PHF20: variants seen among roughly 807,000 people sequenced by gnomAD.
PHF20 encodes glioma-expressed antigen 2.
PHF20 carries 23 observed loss-of-function variants against 113.5 expected under a neutral mutation model. That is an observed-to-expected ratio of 0.20 (90% CI 0.15 to 0.29). The LOEUF (loss-of-function observed/expected upper bound fraction) is 0.29, where lower values mean the gene tolerates loss of function less well. Among genes scored for constraint, PHF20 ranks in the 10% least tolerant of loss-of-function variants. PHF20 has a pLI of 1.00. For missense variants in PHF20, 943 were observed against 1,219.6 expected, an observed-to-expected ratio of 0.77 and a Z score of 3.38; for synonymous variants, 434 against 457.3, an observed-to-expected ratio of 0.95 and a Z score of 0.65.
chr20:35,790,879 G>T (rs995215723), intron 1 of PHF20, among the ~76,000 whole-genome samples: 1 of 152,080 alleles, frequency 6.6e-6, no homozygotes, highest in Admixed American at 6.6e-5. Flanking sequence ...TGTTTTTTGA[G>T]ACAGAGCCTT....
At chr20:35,865,448 A>C (rs548563827) in intron 6 of PHF20, among the ~76,000 whole-genome samples, 1 of 151,570 alleles carries the variant, frequency 6.6e-6, no homozygotes, top group Admixed American at 6.6e-5. Flanking sequence ...AATTTTTTTT[A>C]AAGTACTGGA....
intron 2 of PHF20, among the ~76,000 whole-genome samples, chr20:35,831,161 T>TCCCCCCC (rs557902653): frequency 6.9e-6 from 1 of 145,010 alleles, no homozygotes. Flanking sequence ...CCCTCCCTCC[T>TCCCCCCC]TTCCTTCTCA....
chr20:35,825,994 C>T (rs2042254460), intron 2 of PHF20, among the ~76,000 whole-genome samples: 1 of 152,148 alleles, frequency 6.6e-6, no homozygotes, highest in Non-Finnish European at 1.5e-5. Flanking sequence ...CCCTCTCCTA[C>T]CCCCAAAGAG....
intron 1 of PHF20, among the ~76,000 whole-genome samples, chr20:35,796,793 G>A (rs752454814): frequency 6.6e-5 from 10 of 152,108 alleles, no homozygotes; most frequent in East Asian, 1.9e-4. Context: ...CTACTTCTGC[G>A]TACATCCTGT....
Position 35,940,963 on chromosome 20 carries a change from T to G in PHF20, c.2812T>G (p.Trp938Gly), listed in dbSNP as rs1253036215. 3.1e-6 allele frequency: 5 copies of G among 1,614,098 alleles called. No individual in the cohort carries two copies. Among genetic ancestry groups the G allele is most frequent in the African/African-American group, 1.3e-5 (1 of 74,950 alleles). The stretch of plus-strand genomic sequence containing the variant: ...GGGGCTGCTGAGCTCCCAGCACCAG[T>G]GGCAGTTTAACCTGCTGACCCATGT... ...GEGLLSSQHQWQFNLLTHVES... is the reference protein window; with the variant it reads ...GEGLLSSQHQGQFNLLTHVES... Residue 938 changes from tryptophan (W) to glycine (G), a missense_variant, in exon 17 of 18, where the codon TGG (tryptophan) becomes GGG (glycine). Transcript: ENST00000374012.
intron 1 of PHF20, among the ~76,000 whole-genome samples, chr20:35,794,025 C>T (rs967969771): frequency 2.0e-5 from 2 of 100,722 alleles, no homozygotes; most frequent in South Asian, 4.1e-4. Context: ...AAAGGCCAGG[C>T]GCGGTGGCTC....
At chr20:35,820,829 A>C (rs2042156324) in intron 2 of PHF20, among the ~76,000 whole-genome samples, 2 of 152,026 alleles carry the variant, frequency 1.3e-5, no homozygotes, top group South Asian at 4.2e-4. Flanking sequence ...TGAACAGAGG[A>C]GATCTCTCTG....
At chr20:35,793,995 CAAAA>C (rs56189104) in intron 1 of PHF20, among the ~76,000 whole-genome samples, 6 of 33,836 alleles carry the variant, frequency 1.8e-4, no homozygotes, top group East Asian at 7.6e-4. Context: ...GACTCTGTCT[CAAAA>C]AAAAAAAAAA....
intron 17 of PHF20, among the ~76,000 whole-genome samples, chr20:35,946,148 G>C (rs1382951849): frequency 6.6e-6 from 1 of 151,496 alleles, no homozygotes; most frequent in Non-Finnish European, 1.5e-5. Flanking sequence ...CTCCAGCCCA[G>C]GCAACAAGAG....
chr20:35,947,343 CTCCCTT>C, intron 17 of PHF20, 136 bp from the exon 18 acceptor site: 1 of 726,290 alleles, frequency 1.4e-6, no homozygotes, highest in Non-Finnish European at 2.2e-6. Context: ...ATGGCCCTTC[CTCCCTT>C]GCCCCATGGA....
chr20:35,910,112 T>TA (rs1269836563), intron 10 of PHF20, among the ~76,000 whole-genome samples: 2 of 152,210 alleles, frequency 1.3e-5, no homozygotes, highest in Non-Finnish European at 2.9e-5. Context: ...TGGAAAGTTT[T>TA]AAAAATCCTG....
At chr20:35,864,648 T>C (rs2054282693) in intron 6 of PHF20, among the ~76,000 whole-genome samples, 1 of 152,116 alleles carries the variant, frequency 6.6e-6, no homozygotes, top group South Asian at 2.1e-4. Flanking sequence ...GGTTGATTTG[T>C]CTCTATATGA....
At chr20:35,932,998 C>T (rs1018535036) in intron 15 of PHF20, among the ~76,000 whole-genome samples, 5 of 152,130 alleles carry the variant, frequency 3.3e-5, no homozygotes, top group African/African-American at 7.2e-5. Context: ...CCTCAAAGTT[C>T]ATCCGTGTTA....
chr20:35,934,885 G>A (rs990912020), intron 15 of PHF20, among the ~76,000 whole-genome samples: 1 of 152,192 alleles, frequency 6.6e-6, no homozygotes, highest in Non-Finnish European at 1.5e-5. Flanking sequence ...ACAGGAAAAC[G>A]TAACCCCATG....
At chr20:35,843,771 G>A (rs1158437378) in intron 3 of PHF20, among the ~76,000 whole-genome samples, 1 of 151,994 alleles carries the variant, frequency 6.6e-6, no homozygotes, top group Admixed American at 6.6e-5. Flanking sequence ...TAGAGACAGT[G>A]TCTCGTATTG....
intron 9 of PHF20, among the ~76,000 whole-genome samples, chr20:35,896,202 C>A (rs945615977): frequency 6.6e-6 from 1 of 151,432 alleles, no homozygotes; most frequent in Non-Finnish European, 1.5e-5. Context: ...TAATTTAGAT[C>A]AAATTTAAGA....
intron 4 of PHF20, among the ~76,000 whole-genome samples, chr20:35,851,410 T>C (rs1003011786): frequency 1.3e-5 from 2 of 152,164 alleles, no homozygotes; most frequent in Non-Finnish European, 2.9e-5. Context: ...CAGCTCTTAT[T>C]TTTTGTTTTC....
chr20:35,845,612 T>A (rs2146942438), intron 3 of PHF20: 1 of 157,540 alleles, frequency 6.3e-6, no homozygotes, highest in East Asian at 1.8e-4. Context: ...AAGGGATCTT[T>A]CTGCCAAAGA....
At chr20:35,943,275 G>T (rs889112932) in intron 17 of PHF20, among the ~76,000 whole-genome samples, 8 of 151,902 alleles carry the variant, frequency 5.3e-5, no homozygotes, top group African/African-American at 1.9e-4. Context: ...GGAGGCGGAG[G>T]TTGCAGTGAG....
Sources: allele counts gnomAD v4.1 joint callset (sites outside exome capture counted in the v4.1 genomes callset), GRCh38; gene constraint gnomAD v4.1.1; transcripts MANE v1.5; gene names NCBI Gene and HGNC (gene_info 2026-07-23, HGNC 2026-07-21).